LRFN2: variants seen among roughly 807,000 people sequenced by gnomAD.
The protein encoded by LRFN2 is leucine-rich repeat and fibronectin type-III domain-containing protein 2.
A neutral mutation model predicts 37.3 loss-of-function variants in LRFN2; 18 were observed. That is an observed-to-expected ratio of 0.48 (90% CI 0.33 to 0.72). The LOEUF (loss-of-function observed/expected upper bound fraction) is 0.72. LRFN2 is among the 30% of genes least tolerant of loss of function. The pLI is 0.02. For synonymous variants in LRFN2, 556 were observed against 466.6 expected (o/e 1.19, Z -2.47); for missense variants, 1,006 against 1,060.7 (o/e 0.95, Z 0.72).
At chr6:40,480,516 A>C (rs889521041) in intron 1 of LRFN2, among the ~76,000 whole-genome samples, 3 of 152,088 alleles carry the variant, frequency 2.0e-5, no homozygotes, top group Non-Finnish European at 1.5e-5. Context: ...GGGTTCAATG[A>C]ATCCTCCTGC....
At chr6:40,525,055 A>C (rs1766210213) in intron 1 of LRFN2, among the ~76,000 whole-genome samples, 1 of 152,228 alleles carries the variant, frequency 6.6e-6, no homozygotes. Flanking sequence ...TCTATAAAAT[A>C]CAAAGTGGGC....
intron 1 of LRFN2, among the ~76,000 whole-genome samples, chr6:40,437,341 C>T (rs1763708085): frequency 6.6e-6 from 1 of 152,168 alleles, no homozygotes; most frequent in Admixed American, 6.5e-5. Context: ...CTACCCTTGG[C>T]TGTGTTGCCT....
intron 1 of LRFN2, among the ~76,000 whole-genome samples, chr6:40,584,027 C>T (rs558779300): frequency 5.9e-5 from 9 of 152,340 alleles, no homozygotes; most frequent in African/African-American, 1.9e-4. Context: ...GAAGCAGGTG[C>T]CAGGGCCCCA....
At chr6:40,520,027 T>C (rs1185772990) in intron 1 of LRFN2, among the ~76,000 whole-genome samples, 2 of 152,098 alleles carry the variant, frequency 1.3e-5, no homozygotes, top group East Asian at 3.9e-4. Flanking sequence ...TATATGGATA[T>C]AAAGGGTGTG....
chr6:40,508,809 G>T (rs563566927), intron 1 of LRFN2, among the ~76,000 whole-genome samples: 2 of 152,144 alleles, frequency 1.3e-5, no homozygotes, highest in African/African-American at 2.4e-5. Context: ...CTTACCCGAA[G>T]CCTGGGCTCT....
chr6:40,554,764 T>C (rs950838265), intron 1 of LRFN2, among the ~76,000 whole-genome samples: 1 of 152,108 alleles, frequency 6.6e-6, no homozygotes, highest in African/African-American at 2.4e-5. Context: ...ACTCCCCCTC[T>C]GAAAAATCGC....
intron 1 of LRFN2, among the ~76,000 whole-genome samples, chr6:40,512,634 A>G (rs554756726): frequency 6.6e-6 from 1 of 152,270 alleles, no homozygotes; most frequent in South Asian, 2.1e-4. Flanking sequence ...ATGTGTACTC[A>G]GCCTCACTGA....
intron 2 of LRFN2, among the ~76,000 whole-genome samples, chr6:40,396,089 TAAG>T (rs10573491): frequency 0.55 from 83,455 of 151,670 alleles, 23,306 homozygotes; most frequent in Middle Eastern, 0.71. Flanking sequence ...AGCAACAAAA[TAAG>T]AAGAACAGCT....
At chr6:40,466,319 A>T (rs1207583642) in intron 1 of LRFN2, among the ~76,000 whole-genome samples, 1 of 152,178 alleles carries the variant, frequency 6.6e-6, no homozygotes, top group Non-Finnish European at 1.5e-5. Context: ...GGTCACCCAG[A>T]TGTTGCCAGG....
At chr6:40,538,954 C>T (rs539587791) in intron 1 of LRFN2, among the ~76,000 whole-genome samples, 9 of 152,290 alleles carry the variant, frequency 5.9e-5, no homozygotes, top group Admixed American at 4.6e-4. Flanking sequence ...TGTTGCACCC[C>T]AGGTATTCAC....
intron 1 of LRFN2, among the ~76,000 whole-genome samples, chr6:40,486,589 G>A (rs1260410792): frequency 1.3e-5 from 2 of 152,154 alleles, no homozygotes; most frequent in Non-Finnish European, 2.9e-5. Flanking sequence ...TCTCTGGGTG[G>A]AGAATGAGCA....
At chr6:40,444,539 G>T (rs570493873) in intron 1 of LRFN2, among the ~76,000 whole-genome samples, 1 of 152,058 alleles carries the variant, frequency 6.6e-6, no homozygotes, top group African/African-American at 2.4e-5. Flanking sequence ...GTCTTTCTTC[G>T]GGTGGGAATG....
In LRFN2 at chr6:40,410,552, A is replaced by C. The variant is rs1325965994; in HGVS notation, c.1401-17640T>G. On this transcript the variant is annotated intron_variant, in intron 2 of 2. Coordinates refer to ENST00000338305, the MANE Select transcript of LRFN2 (RefSeq NM_020737.3). ...AAAGCAGTTTGCAAACCCAATTTGCAGAGTTATATGAGGATCAGAAGTAAT... is the reference window on the plus strand; with the variant it reads ...AAAGCAGTTTGCAAACCCAATTTGCCGAGTTATATGAGGATCAGAAGTAAT... Among the ~76,000 whole-genome samples, 5 of 152,328 alleles carry C rather than the reference A, an allele frequency of 3.3e-5. No homozygotes were observed. The East Asian group carries it at 9.6e-4, about 29-fold the overall frequency.
chr6:40,581,043 T>G (rs962634500), intron 1 of LRFN2, among the ~76,000 whole-genome samples: 2 of 152,020 alleles, frequency 1.3e-5, no homozygotes, highest in Non-Finnish European at 2.9e-5. Flanking sequence ...CACATGTATG[T>G]GGTGGAGTGG....
At chr6:40,446,491 A>G (rs1763973011) in intron 1 of LRFN2, among the ~76,000 whole-genome samples, 2 of 152,246 alleles carry the variant, frequency 1.3e-5, no homozygotes, top group East Asian at 1.9e-4. Flanking sequence ...CAGCTTCCTC[A>G]CTGCCAATGG....
rs140926392 is a variant in LRFN2, at chr6:40,496,334, G to A, written c.-18-63203C>T. ...GCAGCAAGAGGGACCCATCTAAACC[G>A]GAATCAGGTCAGGTCAGCCCACTGT... On this transcript the variant is annotated intron_variant, in intron 1 of 2. Coordinates refer to ENST00000338305, the MANE Select transcript of LRFN2 (RefSeq NM_020737.3). Among the ~76,000 whole-genome samples the A allele has an allele frequency of 9.6e-4, 146 of 152,198 alleles. No individual in the cohort carries two copies. In the South Asian group the frequency reaches 0.012, roughly 12 times the overall value.
At chr6:40,398,555 C>T (rs1413620070) in intron 2 of LRFN2, among the ~76,000 whole-genome samples, 1 of 151,752 alleles carries the variant, frequency 6.6e-6, no homozygotes, top group Non-Finnish European at 1.5e-5. Flanking sequence ...GCTCAACCAT[C>T]AGGTCAGTCA....
At chr6:40,524,277 C>T (rs2113904324) in intron 1 of LRFN2, among the ~76,000 whole-genome samples, 2 of 152,256 alleles carry the variant, frequency 1.3e-5, no homozygotes, top group Admixed American at 1.3e-4. Context: ...TATCCCCCTG[C>T]CTCTAACAGG....
chr6:40,467,188 GA>G (rs1764489165), intron 1 of LRFN2, among the ~76,000 whole-genome samples: 1 of 150,864 alleles, frequency 6.6e-6, no homozygotes, highest in South Asian at 2.1e-4. Flanking sequence ...TGATGATGAT[GA>G]TGATGATGAT....
Sources: allele counts gnomAD v4.1 joint callset (sites outside exome capture counted in the v4.1 genomes callset), GRCh38; gene constraint gnomAD v4.1.1; transcripts MANE v1.5; gene names NCBI Gene and HGNC (gene_info 2026-07-23, HGNC 2026-07-21).